GATA6: variants seen among roughly 807,000 people sequenced by gnomAD.
The protein encoded by GATA6 is transcription factor GATA-6.
Under a neutral mutation model 48.1 loss-of-function variants are expected in GATA6, and 11 were observed. That is an observed-to-expected ratio of 0.23 (90% confidence interval 0.14 to 0.38). The LOEUF (loss-of-function observed/expected upper bound fraction) is 0.38. GATA6 is among the 10% of genes least tolerant of loss of function. GATA6 has a pLI of 1.00. For missense variants in GATA6, 795 were observed against 850.3 expected, an observed-to-expected ratio of 0.93 and a Z score of 0.81; for synonymous variants, 419 against 396.1, an observed-to-expected ratio of 1.06 and a Z score of -0.69.
intron 6 of GATA6, among the ~76,000 whole-genome samples, chr18:22,197,795 T>G (rs992371636): frequency 7.0e-6 from 1 of 143,394 alleles, no homozygotes; most frequent in African/African-American, 2.4e-5. Flanking sequence ...CTGCTTCCCC[T>G]CCTTCTCATA....
intron 4 of GATA6, 56 bp from the exon 5 acceptor site, chr18:22,182,701 C>T: frequency 7.8e-7 from 1 of 1,281,298 alleles, no homozygotes. Context: ...AATGTTGGGT[C>T]TTTGGTTTTT....
chr18:22,187,913 CT>C (rs2033283278), intron 6 of GATA6, among the ~76,000 whole-genome samples: 1 of 151,932 alleles, frequency 6.6e-6, no homozygotes, highest in African/African-American at 2.4e-5. Flanking sequence ...CATATTTTGC[CT>C]GCCTAAAAAT....
At position 22,172,068 on chromosome 18, in the gene GATA6, C is replaced by T. The variant is rs1431203656; in HGVS notation, c.924C>T (p.Pro308=). 30 of 1,437,754 alleles carry T rather than the reference C, an allele frequency of 2.1e-5. No homozygotes were observed. Among genetic ancestry groups the T allele is most frequent in the Admixed American group, 2.6e-5 (1 of 38,562 alleles). The allele number at this position is 1,437,754 out of a possible 1,614,324, so 89.1% of individuals were successfully genotyped here. A position where few individuals can be genotyped will look rare whatever the true frequency, so the allele number is the denominator to read the frequency against. Residue 308 remains proline, a synonymous_variant, in exon 2 of 7, where the codon CCC becomes CCT. Coordinates refer to ENST00000269216, the MANE Select transcript of GATA6 (RefSeq NM_005257.6). The surrounding 1 kb of genome is among the most constrained non-coding windows in gnomAD (Gnocchi z 5.2). ...SSLAAMGGRE[P]QYSSLSAARP... Reference sequence around the variant, plus strand: ...TGGCGGCCATGGGCGGCCGCGAGCCCCAGTACAGCTCGCTGTCGGCCGCGC... The same window carrying T: ...TGGCGGCCATGGGCGGCCGCGAGCCTCAGTACAGCTCGCTGTCGGCCGCGC...
At position 22,200,806 on chromosome 18, in the gene GATA6, G is replaced by C; in HGVS notation, c.1771G>C (p.Ala591Pro). ...CTCCGTGCGACCGGATTCCTGGTGCGCCCTGGCCCTGGCCTGAGCCCACGC... is the reference window on the plus strand; with the variant it reads ...CTCCGTGCGACCGGATTCCTGGTGCCCCCTGGCCCTGGCCTGAGCCCACGC... The part of the protein sequence containing the change: ...TSSVRPDSWC[A>P]LALA Residue 591 changes from alanine (A) to proline (P), a missense_variant, in exon 7 of 7, where the codon GCC (alanine) becomes CCC (proline). Ala to Pro is a conservative substitution (Grantham distance 27, BLOSUM62 -1). This residue lies in a region of GATA6 where 103 missense variants were observed against 103.7 expected (regional missense o/e 0.99). Transcript: ENST00000269216. The C allele has an allele frequency of 6.2e-7, 1 of 1,611,120 alleles. No individual in the cohort carries two copies. The highest frequency in any genetic ancestry group is 8.5e-7 in the Non-Finnish European group (1 of 1,179,236).
chr18:22,200,286 C>T (rs1246207965), intron 6 of GATA6, among the ~76,000 whole-genome samples: 2 of 152,196 alleles, frequency 1.3e-5, no homozygotes, highest in African/African-American at 4.8e-5. Flanking sequence ...TTCACCCACA[C>T]AGTGAGGTTT....
chr18:22,184,327 C>G (rs769840062), intron 6 of GATA6, among the ~76,000 whole-genome samples: 2 of 151,140 alleles, frequency 1.3e-5, no homozygotes, highest in Admixed American at 6.6e-5. Context: ...AGGGAAGAAG[C>G]CTTTTAGTTG....
chr18:22,197,801 T>C (rs1287489721), intron 6 of GATA6, among the ~76,000 whole-genome samples: 1 of 143,408 alleles, frequency 7.0e-6, no homozygotes, highest in Non-Finnish European at 1.5e-5. Flanking sequence ...CCCCTCCTTC[T>C]CATACTCCTG....
At position 22,171,312 on chromosome 18, in the gene GATA6, C is replaced by G; in HGVS notation, c.168C>G (p.Gly56=). 6.3e-7 allele frequency: 1 copy of G among 1,589,640 alleles called. No individual in the cohort carries two copies. The highest frequency in any genetic ancestry group is 1.7e-5 in the Admixed American group (1 of 59,380). The change falls in exon 2 of 7, where the codon GGC becomes GGG. Residue 56 remains glycine (G), a synonymous_variant. Transcript: ENST00000269216. This position sits in a 1 kb window ranked among gnomAD's most constrained non-coding sequence, Gnocchi z 7.1. ...CSRGGERGPG[G]ASNCGTPQLD... is the part of the protein sequence containing the mutation. ...GGGGCGGAGAGCGGGGCCCCGGCGG[C>G]GCCAGCAACTGCGGGACGCCTCAGC...
intron 2 of GATA6, among the ~76,000 whole-genome samples, chr18:22,174,453 C>T (rs1362981421): frequency 1.3e-5 from 2 of 152,110 alleles, no homozygotes; most frequent in African/African-American, 2.4e-5. Context: ...TACACTTTTC[C>T]TAATTTTTTC....
At chr18:22,189,277 G>A (rs555570491) in intron 6 of GATA6, among the ~76,000 whole-genome samples, 4 of 152,232 alleles carry the variant, frequency 2.6e-5, no homozygotes, top group African/African-American at 9.6e-5. Context: ...TATTTGATGT[G>A]CTCTATAAGG....
At position 22,172,026 on chromosome 18, in the gene GATA6, C is replaced by A. The variant is rs1207884364; in HGVS notation, c.882C>A (p.Ser294Arg). The change falls in exon 2 of 7, where the codon AGC (serine) becomes AGA (arginine). Residue 294 changes from serine (S) to arginine (R), a missense_variant. Physicochemically the swap from Ser to Arg is moderately radical, Grantham distance 110. This residue lies in a region of GATA6 where 591 missense variants were observed against 570.0 expected (regional missense o/e 1.04). Coordinates refer to ENST00000269216, the MANE Select transcript of GATA6 (RefSeq NM_005257.6). The surrounding 1 kb of genome is among the most constrained non-coding windows in gnomAD (Gnocchi z 5.2). ...GCAGTGGGGGCGCGGGAGGCGTGAGCGGCGGCGGCAGTAGCCTGGCGGCCA... is the reference window on the plus strand; with the variant it reads ...GCAGTGGGGGCGCGGGAGGCGTGAGAGGCGGCGGCAGTAGCCTGGCGGCCA... Reference protein sequence around the residue: ...AAGSGGAGGVSGGGSSLAAMG... With the variant: ...AAGSGGAGGVRGGGSSLAAMG... The A allele has an allele frequency of 1.2e-5, 15 of 1,248,608 alleles. No homozygotes were observed. Among genetic ancestry groups the A allele is most frequent in the South Asian group, 3.6e-5 (1 of 27,908 alleles). The allele number at this position is 1,248,608 out of a possible 1,614,324, so 77.3% of individuals were successfully genotyped here.
chr18:22,183,285 T>C (rs1222970883), intron 6 of GATA6, among the ~76,000 whole-genome samples: 1 of 152,240 alleles, frequency 6.6e-6, no homozygotes, highest in Non-Finnish European at 1.5e-5. Flanking sequence ...TTAACCCAAG[T>C]AAAAGCAAGA....
At chr18:22,179,039 C>T (rs1232694447) in intron 3 of GATA6, among the ~76,000 whole-genome samples, 1 of 152,004 alleles carries the variant, frequency 6.6e-6, no homozygotes, top group African/African-American at 2.4e-5. Flanking sequence ...TTGTTTTGTG[C>T]ATGTACCAGT....
At position 22,200,895 on chromosome 18, in the gene GATA6, G is replaced by A. The variant is rs1941084; in HGVS notation, c.*72G>A. On this transcript the variant is annotated 3_prime_UTR_variant, in exon 7 of 7. Coordinates refer to ENST00000269216, the MANE Select transcript of GATA6 (RefSeq NM_005257.6). ...CCACTCGTGTCTGCTTTTGTGCAGC[G>A]GTCCAGACAGTGGCGACTGCGCTGA... 0.46 allele frequency: 689,756 copies of A among 1,483,606 alleles called. 162,076 individuals are homozygous for A. The highest frequency in any genetic ancestry group is 0.59 in the Admixed American group (30,570 of 51,434). 91.9% of individuals were successfully genotyped at this position (1,483,606 alleles called of 1,614,324 possible).
At chr18:22,197,344 G>A (rs926844238) in intron 6 of GATA6, among the ~76,000 whole-genome samples, 9 of 152,128 alleles carry the variant, frequency 5.9e-5, no homozygotes, top group Non-Finnish European at 7.3e-5. Flanking sequence ...GGGCCACCGC[G>A]CCTGGCCTAG....
chr18:22,193,630 C>T, intron 6 of GATA6, among the ~76,000 whole-genome samples: 1 of 152,144 alleles, frequency 6.6e-6, no homozygotes. Flanking sequence ...CGACAGTCTG[C>T]CTTGCAGTGA....
intron 6 of GATA6, among the ~76,000 whole-genome samples, chr18:22,196,776 C>A (rs2033395313): frequency 6.6e-6 from 1 of 152,000 alleles, no homozygotes. Context: ...GAGAAAGAGT[C>A]ATGAGACTTT....
chr18:22,201,809 A>G lies in GATA6; in HGVS notation c.*986A>G, dbSNP rs2033465978. ...GCAACAACACTTTACTACCTAACGGATAGCATTTGTAAATACTCTAGGTAT... is the reference window on the plus strand; with the variant it reads ...GCAACAACACTTTACTACCTAACGGGTAGCATTTGTAAATACTCTAGGTAT... On this transcript the variant is annotated 3_prime_UTR_variant, in exon 7 of 7. Transcript: ENST00000269216. The G allele has an allele frequency of 1.3e-5, 2 of 152,636 alleles. No individual in the cohort carries two copies. Among genetic ancestry groups the G allele is most frequent in the Non-Finnish European group, 2.9e-5 (2 of 68,044 alleles). The allele number at this position is 152,636 out of a possible 1,614,324, so 9.5% of individuals were successfully genotyped here. A position where few individuals can be genotyped will look rare whatever the true frequency, so the allele number is the denominator to read the frequency against.
chr18:22,171,851 G>T lies in GATA6; in HGVS notation c.707G>T (p.Gly236Val), dbSNP rs2033054763. Residue 236 changes from glycine to valine, a missense_variant, in exon 2 of 7, where the codon GGC becomes GTC. Gly to Val is a moderately radical substitution (Grantham distance 109). This residue lies in a region of GATA6 where 591 missense variants were observed against 570.0 expected (regional missense o/e 1.04). Transcript: ENST00000269216. This position sits in a 1 kb window ranked among gnomAD's most constrained non-coding sequence, Gnocchi z 7.1. ...GCCTCGGCCGACAGCCCTCCATACGGCAGCGGAGGCGGCGCGGCTGGCGGC... is the reference window on the plus strand; with the variant it reads ...GCCTCGGCCGACAGCCCTCCATACGTCAGCGGAGGCGGCGCGGCTGGCGGC... ...PQASADSPPY[G>V]SGGGAAGGGA... The T allele has an allele frequency of 8.4e-7, 1 of 1,192,404 alleles. No individual in the cohort carries two copies. The highest frequency in any genetic ancestry group is 4.2e-5 in the South Asian group (1 of 24,096). 73.9% of individuals were successfully genotyped at this position (1,192,404 alleles called of 1,614,324 possible). A position where few individuals can be genotyped will look rare whatever the true frequency, so the allele number is the denominator to read the frequency against.
Sources: allele counts gnomAD v4.1 joint callset (sites outside exome capture counted in the v4.1 genomes callset), GRCh38; gene constraint gnomAD v4.1.1; regional missense constraint gnomAD v4.1.1; non-coding constraint Gnocchi (gnomAD v3.1); transcripts MANE v1.5; gene names NCBI Gene and HGNC (gene_info 2026-07-23, HGNC 2026-07-21).